The following PRKAG2 variants were observed in gnomAD, a reference collection of about 807,000 sequenced individuals.
PRKAG2 encodes protein kinase AMP-activated non-catalytic subunit gamma 2.
PRKAG2 carries 26 observed loss-of-function variants against 69.6 expected under a neutral mutation model. That is an observed-to-expected ratio of 0.37 (90% CI 0.27 to 0.52). The LOEUF is 0.52. Ranked by LOEUF, PRKAG2 falls within the 20% of genes least tolerant of loss-of-function variation. PRKAG2 has a pLI of 0.90. For missense variants in PRKAG2, 557 were observed against 740.0 expected, an observed-to-expected ratio of 0.75 and a Z score of 2.87; for synonymous variants, 293 against 285.0, an observed-to-expected ratio of 1.03 and a Z score of -0.28.
chr7:151,590,847 G>C (rs73479341), intron 6 of PRKAG2, among the ~76,000 whole-genome samples: 2,373 of 152,356 alleles, frequency 0.016, 55 homozygotes, highest in African/African-American at 0.054. Flanking sequence ...ATTGCTATGA[G>C]TGGTCTTATG....
intron 1 of PRKAG2, among the ~76,000 whole-genome samples, chr7:151,787,815 A>G (rs976744378): frequency 2.6e-5 from 4 of 152,232 alleles, no homozygotes; most frequent in African/African-American, 9.6e-5. Flanking sequence ...GCCCTAGTCC[A>G]ATATGACTGG....
chr7:151,841,398 A>AGGTAGTGAT (rs1344843293), intron 1 of PRKAG2, among the ~76,000 whole-genome samples: 1 of 151,610 alleles, frequency 6.6e-6, no homozygotes, highest in Non-Finnish European at 1.5e-5. Context: ...TAGTGATAGT[A>AGGTAGTGAT]GGTAGTGATG....
intron 1 of PRKAG2, among the ~76,000 whole-genome samples, chr7:151,864,172 G>A (rs780800055): frequency 6.6e-6 from 1 of 152,150 alleles, no homozygotes; most frequent in East Asian, 1.9e-4. Context: ...TCAAGAGCAG[G>A]CATCTCAGGC....
chr7:151,832,164 TC>T (rs1354809631), intron 1 of PRKAG2, among the ~76,000 whole-genome samples: 2 of 148,884 alleles, frequency 1.3e-5, no homozygotes, highest in Middle Eastern at 3.5e-3. Flanking sequence ...AAATTGAATT[TC>T]CCCCCAACCC....
At chr7:151,698,148 G>A (rs1317545064) in intron 3 of PRKAG2, among the ~76,000 whole-genome samples, 3 of 152,196 alleles carry the variant, frequency 2.0e-5, no homozygotes, top group Admixed American at 2.0e-4. Flanking sequence ...TTCCTCTGGT[G>A]CCCAGGAGCT....
At chr7:151,748,013 C>T (rs1232039628) in intron 3 of PRKAG2, among the ~76,000 whole-genome samples, 1 of 151,526 alleles carries the variant, frequency 6.6e-6, no homozygotes, top group Non-Finnish European at 1.5e-5. Context: ...CTGCCACCTC[C>T]CAGACTCAGC....
rs1309164349 is a variant in PRKAG2, at chr7:151,715,101, C to T, written c.467-39464G>A. Among the ~76,000 whole-genome samples, 6 of 148,352 alleles carry T rather than the reference C, an allele frequency of 4.0e-5. No individual in the cohort carries two copies. In the South Asian group the frequency reaches 6.4e-4, roughly 16 times the overall value. The stretch of plus-strand genomic sequence containing the variant: ...TGTGATCCCGACTCACTGCAACCTC[C>T]GCCTCCTAGGTTCAAGTGATTCTCC... On this transcript the variant is annotated intron_variant, in intron 3 of 15. Coordinates refer to ENST00000287878, the MANE Select transcript of PRKAG2 (RefSeq NM_016203.4).
intron 4 of PRKAG2, among the ~76,000 whole-genome samples, chr7:151,668,322 C>A (rs1322425104): frequency 6.6e-6 from 1 of 152,232 alleles, no homozygotes; most frequent in Non-Finnish European, 1.5e-5. Context: ...CCTCCAGAAT[C>A]ATGAATCAAT....
rs550098439 is a variant in PRKAG2, at chr7:151,786,724, C to T, written c.115-183G>A. Among the ~76,000 whole-genome samples the T allele has an allele frequency of 1.4e-4, 22 of 152,308 alleles. 1 individual carries two copies. In the South Asian group the frequency reaches 4.1e-3, roughly 29 times the overall value. ...AAAGCCCCTGACCACCATGCACATC[C>T]GCTTCCAGAACGTGCAGTCAAACTT... is the stretch of plus-strand genomic sequence containing the variant. On this transcript the variant is annotated intron_variant, in intron 1 of 15. Transcript: ENST00000287878.
chr7:151,730,375 G>A (rs568868514), intron 3 of PRKAG2, among the ~76,000 whole-genome samples: 14 of 152,260 alleles, frequency 9.2e-5, no homozygotes, highest in Non-Finnish European at 7.4e-5. Context: ...GTATTCTTTC[G>A]AAAATTTCTG....
At chr7:151,805,899 G>C (rs2078075845) in intron 1 of PRKAG2, among the ~76,000 whole-genome samples, 2 of 152,180 alleles carry the variant, frequency 1.3e-5, no homozygotes, top group African/African-American at 4.8e-5. Context: ...CAAATCCTTG[G>C]TGACAAAGTT....
In PRKAG2 at chr7:151,854,965, ACCCT is replaced by A. The variant is rs2079671074; in HGVS notation, c.114+21538_114+21541del. Among the ~76,000 whole-genome samples, 10 of 20,656 alleles carry A rather than the reference ACCCT, an allele frequency of 4.8e-4. No individual in the cohort carries two copies. In the South Asian group the frequency reaches 7.0e-3, roughly 14 times the overall value. The allele number at this position is 20,656 out of a possible 152,430, so 13.6% of individuals were successfully genotyped here. A position where few individuals can be genotyped will look rare whatever the true frequency, so the allele number is the denominator to read the frequency against. On this transcript the variant is annotated intron_variant, in intron 1 of 15. Transcript: ENST00000287878. ...CACCCTCCACCACTCTCCACATACC[ACCCT>A]CCACACACACCATGCTCCACACACA...
At chr7:151,830,858 C>T (rs2079010371) in intron 1 of PRKAG2, among the ~76,000 whole-genome samples, 1 of 151,840 alleles carries the variant, frequency 6.6e-6, no homozygotes, top group Non-Finnish European at 1.5e-5. Context: ...ATGTTGTGCT[C>T]TCTCACCTGG....
At chr7:151,694,717 G>A (rs980330528) in intron 3 of PRKAG2, among the ~76,000 whole-genome samples, 19 of 152,302 alleles carry the variant, frequency 1.2e-4, no homozygotes, top group Admixed American at 7.8e-4. Flanking sequence ...CTTTGCCATC[G>A]CTTTGCTATT....
intron 5 of PRKAG2, among the ~76,000 whole-genome samples, chr7:151,599,634 C>T (rs992340336): frequency 6.6e-6 from 1 of 152,176 alleles, no homozygotes; most frequent in Non-Finnish European, 1.5e-5. Flanking sequence ...ATCAGGAGCA[C>T]ACAACCTAGA....
At chr7:151,622,915 G>T (rs1371847933) in intron 5 of PRKAG2, among the ~76,000 whole-genome samples, 2 of 152,020 alleles carry the variant, frequency 1.3e-5, no homozygotes, top group South Asian at 2.1e-4. Context: ...CTAATGCAGC[G>T]GTCCCCATAC....
In PRKAG2 at chr7:151,763,748, GC is replaced by G. The variant is rs1436407694; in HGVS notation, c.466+17403del. 9.2e-5 allele frequency among the ~76,000 whole-genome samples: 14 copies of G among 152,272 alleles called. 1 individual carries two copies. In the Middle Eastern group the frequency reaches 0.01, roughly 111 times the overall value. On this transcript the variant is annotated intron_variant, in intron 3 of 15. Coordinates refer to ENST00000287878, the MANE Select transcript of PRKAG2 (RefSeq NM_016203.4). ...CCTGGGCCTCTGCCCTCCCTCGTGT[GC>G]CAGCCATACCCAGCTGTCTGTCTCC...
At chr7:151,737,717 C>T (rs2073546785) in intron 3 of PRKAG2, among the ~76,000 whole-genome samples, 2 of 152,208 alleles carry the variant, frequency 1.3e-5, no homozygotes, top group South Asian at 4.1e-4. Context: ...TCACCTCTTT[C>T]ATTTACAGAG....
intron 3 of PRKAG2, among the ~76,000 whole-genome samples, chr7:151,726,982 A>G (rs1039540927): frequency 6.6e-6 from 1 of 152,088 alleles, no homozygotes; most frequent in Non-Finnish European, 1.5e-5. Flanking sequence ...TTGGGAGGCC[A>G]AGGCGGGCGG....
Sources: gnomAD v4.1 joint callset for allele counts (sites outside exome capture counted in the v4.1 genomes callset) on GRCh38, gnomAD v4.1.1 for gene constraint, MANE v1.5 for transcripts, NCBI Gene and HGNC (gene_info 2026-07-23, HGNC 2026-07-21) for gene names.